Variants in NFIB observed in about 807,000 individuals in gnomAD.
The protein encoded by NFIB is nuclear factor I B, also known as nuclear factor 1 B-type.
NFIB carries 11 observed loss-of-function variants against 61.5 expected under a neutral mutation model. The ratio of observed to expected loss-of-function variants is 0.18; its 90% CI spans 0.11 to 0.30. NFIB has a LOEUF of 0.30. NFIB is among the 10% of genes least tolerant of loss of function. The pLI, the probability that NFIB is intolerant of heterozygous loss-of-function variation, is 1.00. For synonymous variants in NFIB, 260 were observed against 216.5 expected, an observed-to-expected ratio of 1.20 and a Z score of -1.76; for missense variants, 471 against 608.9, an observed-to-expected ratio of 0.77 and a Z score of 2.38.
intron 1 of NFIB, among the ~76,000 whole-genome samples, chr9:14,322,603 G>T (rs1465404161): frequency 2.6e-5 from 4 of 151,678 alleles, no homozygotes; most frequent in African/African-American, 4.9e-5. Flanking sequence ...TACCACGGCC[G>T]GCCTGGGCGC....
intron 3 of NFIB, among the ~76,000 whole-genome samples, chr9:14,170,665 T>C (rs537662218): frequency 4.6e-5 from 7 of 151,942 alleles, no homozygotes; most frequent in Non-Finnish European, 1.0e-4. Context: ...TTACATGAGA[T>C]ACTTGGGTAA....
At position 14,314,069 on chromosome 9, in the gene NFIB, G is replaced by C. The variant is rs571085992; in HGVS notation, c.-558C>G. On this transcript the variant is annotated 5_prime_UTR_variant, in exon 1 of 11. Coordinates refer to ENST00000380953, the MANE Select transcript of NFIB (RefSeq NM_001190737.2). ...CCCCAAGCACTGCGGCAGGATCCCG[G>C]AGTGGTGATCGCAGGCGAAACTTTG... The C allele has an allele frequency of 4.7e-6, 5 of 1,060,552 alleles. No homozygotes were observed. In the Admixed American group the frequency reaches 1.6e-4, roughly 34 times the overall value. The allele number at this position is 1,060,552 out of a possible 1,614,324, so 65.7% of individuals were successfully genotyped here.
At chr9:14,514,415 A>G in the NFIB span, among the ~76,000 whole-genome samples, 2 of 152,256 alleles carry the variant, frequency 1.3e-5, no homozygotes, top group Middle Eastern at 3.4e-3. Context: ...TACTGAAAAC[A>G]AGAGCAAGAT....
chr9:14,518,608 C>T, the NFIB span, among the ~76,000 whole-genome samples: 2 of 151,764 alleles, frequency 1.3e-5, no homozygotes, highest in Middle Eastern at 6.4e-3. Context: ...CTACTCCTAA[C>T]ACCACTACTT....
chr9:14,526,918 C>T, the NFIB span, among the ~76,000 whole-genome samples: 1 of 152,120 alleles, frequency 6.6e-6, no homozygotes, highest in Non-Finnish European at 1.5e-5. Context: ...TTTCCTTACT[C>T]TCTGATTAAA....
At chr9:14,096,816 G>T (rs1486989246) in intron 10 of NFIB, among the ~76,000 whole-genome samples, 1 of 152,170 alleles carries the variant, frequency 6.6e-6, no homozygotes, top group African/African-American at 2.4e-5. Flanking sequence ...TTAATTTAGA[G>T]ATTAAGTTCC....
intron 1 of NFIB, among the ~76,000 whole-genome samples, chr9:14,386,663 T>C (rs2061552916): frequency 1.3e-5 from 2 of 152,232 alleles, no homozygotes; most frequent in African/African-American, 4.8e-5. Context: ...GGAATCTCTT[T>C]ACTATATGCC....
chr9:14,391,335 C>A (rs371967335), intron 1 of NFIB, among the ~76,000 whole-genome samples: 1 of 148,488 alleles, frequency 6.7e-6, no homozygotes. Context: ...GGAGATGCCC[C>A]CCCCCCACCC....
chr9:14,173,015 G>A (rs920285500), intron 3 of NFIB, among the ~76,000 whole-genome samples: 20 of 152,118 alleles, frequency 1.3e-4, no homozygotes, highest in Admixed American at 9.2e-4. Flanking sequence ...TGATCTGCCC[G>A]CCTCAGCCTA....
the NFIB span, among the ~76,000 whole-genome samples, chr9:14,462,267 CT>C: frequency 6.6e-6 from 1 of 151,534 alleles, no homozygotes; most frequent in African/African-American, 2.4e-5. Flanking sequence ...ATTCTTTTTT[CT>C]TTTTTTTCTT....
At chr9:14,428,878 G>A in the NFIB span, among the ~76,000 whole-genome samples, 5 of 152,076 alleles carry the variant, frequency 3.3e-5, no homozygotes, top group Non-Finnish European at 7.3e-5. Context: ...CTGACACCCT[G>A]GGCCAGGAAT....
intron 2 of NFIB, among the ~76,000 whole-genome samples, chr9:14,236,088 T>C (rs2053713745): frequency 6.6e-6 from 1 of 152,184 alleles, no homozygotes; most frequent in South Asian, 2.1e-4. Context: ...CAATAATCAC[T>C]ATACCCTCAT....
chr9:14,383,534 C>T (rs777425661), intron 1 of NFIB, among the ~76,000 whole-genome samples: 4 of 152,138 alleles, frequency 2.6e-5, no homozygotes, highest in Non-Finnish European at 5.9e-5. Flanking sequence ...AAACATGGTC[C>T]AGTGGTTGAT....
At chr9:14,187,623 T>A (rs891468614) in intron 2 of NFIB, among the ~76,000 whole-genome samples, 13 of 152,194 alleles carry the variant, frequency 8.5e-5, no homozygotes, top group Non-Finnish European at 7.3e-5. Flanking sequence ...CATTAAGCTT[T>A]CTTTTAAAGA....
chr9:14,497,417 T>A, the NFIB span, among the ~76,000 whole-genome samples: 1 of 152,220 alleles, frequency 6.6e-6, no homozygotes, highest in Non-Finnish European at 1.5e-5. Context: ...TTCACCAGTG[T>A]CTAGGAGCTT....
the NFIB span, among the ~76,000 whole-genome samples, chr9:14,432,834 T>C: frequency 2.0e-5 from 3 of 152,208 alleles, no homozygotes; most frequent in Non-Finnish European, 4.4e-5. Context: ...TATTTTTGGG[T>C]CCATAATCAG....
chr9:14,136,623 C>T (rs914006809), intron 6 of NFIB, among the ~76,000 whole-genome samples: 6 of 152,098 alleles, frequency 3.9e-5, no homozygotes, highest in Non-Finnish European at 7.4e-5. Flanking sequence ...TTATTATCCA[C>T]GCTGGTAATG....
At chr9:14,513,054 C>A in the NFIB span, among the ~76,000 whole-genome samples, 9 of 151,768 alleles carry the variant, frequency 5.9e-5, no homozygotes, top group Non-Finnish European at 1.0e-4. Flanking sequence ...CTATTACTTA[C>A]AAAATGTTTA....
chr9:14,101,626 G>T (rs1165612679), intron 10 of NFIB, among the ~76,000 whole-genome samples: 1 of 152,130 alleles, frequency 6.6e-6, no homozygotes, highest in Non-Finnish European at 1.5e-5. Context: ...TATTACTTAT[G>T]ATTATACCAT....
Sources: gnomAD v4.1 joint callset for allele counts (sites outside exome capture counted in the v4.1 genomes callset) on GRCh38, gnomAD v4.1.1 for gene constraint, MANE v1.5 for transcripts, NCBI Gene and HGNC (gene_info 2026-07-23, HGNC 2026-07-21) for gene names.